Variants in PDE4D observed in about 807,000 individuals in gnomAD.
PDE4D encodes the protein 3',5'-cyclic-AMP phosphodiesterase 4D.
In PDE4D, 24 loss-of-function variants were observed where a neutral mutation model predicts 87.4. That is an observed-to-expected ratio of 0.27 (90% confidence interval 0.20 to 0.39). The LOEUF is 0.39. Ranked by LOEUF, PDE4D falls within the 10% of genes least tolerant of loss-of-function variation. The pLI, the probability that PDE4D is intolerant of heterozygous loss-of-function variation, is 1.00. For synonymous variants in PDE4D, 384 were observed against 383.2 expected (o/e 1.00, Z -0.02); for missense variants, 714 against 1,041.0 (o/e 0.69, Z 4.32).
intron 1 of PDE4D, among the ~76,000 whole-genome samples, chr5:59,841,203 G>T (rs1183053816): frequency 2.0e-5 from 3 of 152,056 alleles, no homozygotes; most frequent in Non-Finnish European, 4.4e-5. Context: ...GAAGAAACAG[G>T]GTGGCTATTG....
chr5:59,961,549 T>C (rs1759474039), intron 3 of PDE4D, among the ~76,000 whole-genome samples: 1 of 152,168 alleles, frequency 6.6e-6, no homozygotes, highest in African/African-American at 2.4e-5. Flanking sequence ...CACCCATTTG[T>C]GGTCATTTAT....
At chr5:59,370,705 T>C (rs1783807023) in intron 1 of PDE4D, among the ~76,000 whole-genome samples, 1 of 152,242 alleles carries the variant, frequency 6.6e-6, no homozygotes, top group Non-Finnish European at 1.5e-5. Context: ...AGGAGAGACA[T>C]GTTGATTCAC....
intron 1 of PDE4D, among the ~76,000 whole-genome samples, chr5:59,298,130 T>TA (rs1769451527): frequency 1.3e-5 from 2 of 149,230 alleles, no homozygotes; most frequent in Admixed American, 1.3e-4. Context: ...TTTTTTTTTT[T>TA]TTTTGAGACA....
chr5:60,415,442 G>C (rs575775289), intron 1 of PDE4D, among the ~76,000 whole-genome samples: 2 of 152,248 alleles, frequency 1.3e-5, no homozygotes, highest in African/African-American at 4.8e-5. Context: ...CTCAGCTTGC[G>C]GGGAGGTGTG....
At chr5:59,074,937 T>C (rs1192436642) in intron 5 of PDE4D, among the ~76,000 whole-genome samples, 2 of 152,148 alleles carry the variant, frequency 1.3e-5, no homozygotes, top group African/African-American at 2.4e-5. Flanking sequence ...TACTTCTCAC[T>C]ATTAATAGAG....
chr5:59,585,664 G>A (rs897648267), intron 1 of PDE4D, among the ~76,000 whole-genome samples: 1 of 152,110 alleles, frequency 6.6e-6, no homozygotes, highest in Non-Finnish European at 1.5e-5. Context: ...GCAAGAAATG[G>A]CACATGATAT....
intron 11 of PDE4D, among the ~76,000 whole-genome samples, chr5:58,982,789 T>C (rs1391529339): frequency 6.6e-6 from 1 of 152,176 alleles, no homozygotes; most frequent in Non-Finnish European, 1.5e-5. Flanking sequence ...ACTTTGTTCT[T>C]AGCATGTTGG....
At chr5:59,862,337 A>G (rs1746405169) in intron 1 of PDE4D, among the ~76,000 whole-genome samples, 1 of 152,200 alleles carries the variant, frequency 6.6e-6, no homozygotes, top group Non-Finnish European at 1.5e-5. Context: ...TAATTAGAAA[A>G]CTAAGAAAGA....
chr5:60,289,303 C>A (rs1752688967), intron 1 of PDE4D, among the ~76,000 whole-genome samples: 1 of 152,104 alleles, frequency 6.6e-6, no homozygotes, highest in African/African-American at 2.4e-5. Context: ...AATGCAAAGT[C>A]CAGTATGTCT....
intron 2 of PDE4D, among the ~76,000 whole-genome samples, chr5:60,117,047 A>T (rs1399617725): frequency 3.6e-4 from 5 of 13,842 alleles, no homozygotes; most frequent in African/African-American, 3.5e-3. Flanking sequence ...GCATATTTCT[A>T]AAAAAAAAAA....
intron 5 of PDE4D, among the ~76,000 whole-genome samples, chr5:59,040,676 G>A (rs569899774): frequency 2.6e-5 from 4 of 152,308 alleles, no homozygotes; most frequent in African/African-American, 9.6e-5. Flanking sequence ...CATTCATAGT[G>A]AGGAGAAGTC....
intron 1 of PDE4D, among the ~76,000 whole-genome samples, chr5:59,758,127 G>A (rs1221380277): frequency 4.6e-5 from 7 of 152,194 alleles, no homozygotes. Flanking sequence ...ACACACGATG[G>A]AGAGTTAGGA....
chr5:60,140,930 A>G (rs1780480241), intron 2 of PDE4D, among the ~76,000 whole-genome samples: 1 of 152,174 alleles, frequency 6.6e-6, no homozygotes, highest in African/African-American at 2.4e-5. Context: ...ACCTTTATTA[A>G]AAGGTTATAG....
chr5:59,653,349 G>A lies in PDE4D; in HGVS notation c.455+239819C>T, dbSNP rs561564611. ...CTCCAGAGTAGCTGGGACTACAGGC[G>A]CCCGCCACCACGCCTGGCTAATTTT... On this transcript the variant is annotated intron_variant, in intron 1 of 14. Coordinates refer to ENST00000340635, the MANE Select transcript of PDE4D (RefSeq NM_001104631.2). Among the ~76,000 whole-genome samples the A allele has an allele frequency of 1.2e-3, 188 of 151,852 alleles. 8 individuals are homozygous for A. The highest frequency in any genetic ancestry group is 1.1e-3 in the Non-Finnish European group (74 of 67,958).
At chr5:59,936,127 C>T (rs911019555) in intron 3 of PDE4D, among the ~76,000 whole-genome samples, 8 of 151,926 alleles carry the variant, frequency 5.3e-5, no homozygotes, top group African/African-American at 1.7e-4. Context: ...AACCAAACAC[C>T]GCATGTTCTC....
chr5:59,989,708 G>C (rs1762821222), intron 2 of PDE4D, among the ~76,000 whole-genome samples: 2 of 152,116 alleles, frequency 1.3e-5, no homozygotes, highest in South Asian at 2.1e-4. Flanking sequence ...GATTCTAGTT[G>C]AGAAAAATAT....
At chr5:60,341,800 T>C (rs1428258103) in intron 1 of PDE4D, among the ~76,000 whole-genome samples, 1 of 152,060 alleles carries the variant, frequency 6.6e-6, no homozygotes, top group African/African-American at 2.4e-5. Context: ...ATGCACCAGA[T>C]TGAAAATGTA....
At chr5:59,240,961 A>G (rs542706131) in intron 1 of PDE4D, among the ~76,000 whole-genome samples, 1 of 152,146 alleles carries the variant, frequency 6.6e-6, no homozygotes, top group Non-Finnish European at 1.5e-5. Context: ...ATTTCATTTT[A>G]AAAATGGGAA....
chr5:60,349,674 CAG>C (rs1759020537), intron 1 of PDE4D, among the ~76,000 whole-genome samples: 1 of 152,130 alleles, frequency 6.6e-6, no homozygotes, highest in Non-Finnish European at 1.5e-5. Context: ...ATGATGAAAG[CAG>C]AGTTTTCTCA....
Sources: allele counts gnomAD v4.1 joint callset (sites outside exome capture counted in the v4.1 genomes callset), GRCh38; gene constraint gnomAD v4.1.1; transcripts MANE v1.5; gene names NCBI Gene and HGNC (gene_info 2026-07-23, HGNC 2026-07-21).